PTPRK: variants seen among roughly 807,000 people sequenced by gnomAD.
PTPRK encodes protein tyrosine phosphatase receptor type K.
In PTPRK, 75 loss-of-function variants were observed where a neutral mutation model predicts 178.0. That is an observed-to-expected ratio of 0.42 (90% CI 0.35 to 0.51). The LOEUF (loss-of-function observed/expected upper bound fraction) is 0.51. Among genes scored for constraint, PTPRK ranks in the 20% least tolerant of loss-of-function variants. The pLI is 0.02. For missense variants in PTPRK, 1,441 were observed against 1,797.8 expected, an observed-to-expected ratio of 0.80 and a Z score of 3.59; for synonymous variants, 637 against 620.6, an observed-to-expected ratio of 1.03 and a Z score of -0.39.
chr6:128,127,269 T>C (rs1373619914), intron 7 of PTPRK, among the ~76,000 whole-genome samples: 6 of 152,210 alleles, frequency 3.9e-5, no homozygotes, highest in Non-Finnish European at 7.4e-5. Context: ...ATGTTTGCTA[T>C]TATAGGTCTT....
chr6:128,321,573 A>T, intron 3 of PTPRK: 1 of 509,044 alleles, frequency 2.0e-6, no homozygotes, highest in Non-Finnish European at 3.4e-6. Context: ...CCTCCCCCTT[A>T]ACATAGTTCA....
chr6:128,446,075 G>A (rs1584758062), intron 1 of PTPRK, among the ~76,000 whole-genome samples: 1 of 152,242 alleles, frequency 6.6e-6, no homozygotes, highest in Middle Eastern at 3.4e-3. Flanking sequence ...CATTCTCTAA[G>A]TAACGGTGAT....
intron 1 of PTPRK, among the ~76,000 whole-genome samples, chr6:128,406,104 T>C (rs1055377900): frequency 2.7e-5 from 4 of 150,282 alleles, no homozygotes; most frequent in Admixed American, 1.3e-4. Flanking sequence ...AAAAAATAAA[T>C]AAAAAAAAAT....
chr6:127,981,551 T>C lies in PTPRK; in HGVS notation c.3538-262A>G, dbSNP rs564695902. Among the ~76,000 whole-genome samples, 4 of 152,256 alleles carry C rather than the reference T, an allele frequency of 2.6e-5. No homozygotes were observed. The East Asian group carries it at 5.8e-4, about 22-fold the overall frequency. On this transcript the variant is annotated intron_variant, in intron 24 of 29. Coordinates refer to ENST00000368226, the MANE Select transcript of PTPRK (RefSeq NM_002844.4). ...CTAAACAACACTGCTACCTGCAAAA[T>C]GCATTGCCTTAACCAAAGAAAATGC...
chr6:128,075,710 G>A (rs945504631), intron 11 of PTPRK, among the ~76,000 whole-genome samples: 2 of 151,956 alleles, frequency 1.3e-5, no homozygotes, highest in African/African-American at 4.8e-5. Flanking sequence ...GAATCCATTG[G>A]CGATTTTAGC....
chr6:128,080,956 G>T (rs1784710501), intron 10 of PTPRK, among the ~76,000 whole-genome samples: 1 of 151,806 alleles, frequency 6.6e-6, no homozygotes. Flanking sequence ...TGGATGTTCT[G>T]GTCTTTTTTA....
At chr6:128,466,345 A>C (rs1204530627) in intron 1 of PTPRK, among the ~76,000 whole-genome samples, 3 of 152,230 alleles carry the variant, frequency 2.0e-5, no homozygotes, top group African/African-American at 7.2e-5. Context: ...GTGCAAAGCA[A>C]ATTAGTTCTG....
Position 128,082,645 on chromosome 6 carries a change from T to C in PTPRK, c.1576-7A>G, listed in dbSNP as rs757488283. Reference sequence around the variant, plus strand: ...TTATACTGCTATAGCTGATCTGTTTTAAGAAATACATTTATTACATATCTA... The same window carrying C: ...TTATACTGCTATAGCTGATCTGTTTCAAGAAATACATTTATTACATATCTA... On this transcript the variant is annotated splice_region_variant and splice_polypyrimidine_tract_variant and intron_variant, in intron 9 of 29. Transcript: ENST00000368226. The C allele has an allele frequency of 5.1e-6, 8 of 1,576,028 alleles. No individual in the cohort carries two copies. The African/African-American group carries it at 9.4e-5, about 19-fold the overall frequency.
rs1858597116 is a variant in PTPRK at position 128,519,254 on chromosome 6, CGAAA to C, written c.100+1001_100+1004del. ...ACTTCAGAGCCCCCAGAGGAGAGAA[CGAAA>C]GAAGCAACCAACCTACACGAAGGAT... On this transcript the variant is annotated intron_variant, in intron 1 of 29. Coordinates refer to ENST00000368226, the MANE Select transcript of PTPRK (RefSeq NM_002844.4). The surrounding 1 kb of genome is among the most constrained non-coding windows in gnomAD (Gnocchi z 4.3). The C allele has an allele frequency of 2.6e-6, 1 of 383,914 alleles. No individual in the cohort carries two copies. Among genetic ancestry groups the C allele is most frequent in the Non-Finnish European group, 5.1e-6 (1 of 195,338 alleles). The allele number at this position is 383,914 out of a possible 1,614,324, so 23.8% of individuals were successfully genotyped here.
intron 1 of PTPRK, 25 bp downstream of exon 1, chr6:128,520,234 T>C: frequency 6.4e-7 from 1 of 1,559,008 alleles, no homozygotes; most frequent in Non-Finnish European, 8.7e-7. Context: ...CAGGCGTTCG[T>C]CGGGGACGCC....
chr6:128,476,489 A>G (rs898151413), intron 1 of PTPRK, among the ~76,000 whole-genome samples: 4 of 152,066 alleles, frequency 2.6e-5, no homozygotes, highest in Non-Finnish European at 4.4e-5. Flanking sequence ...TTGTTGTCTG[A>G]GGTCAACCAA....
At chr6:128,407,115 C>G (rs2128375894) in intron 1 of PTPRK, among the ~76,000 whole-genome samples, 1 of 152,182 alleles carries the variant, frequency 6.6e-6, no homozygotes, top group Non-Finnish European at 1.5e-5. Context: ...CCACAATATC[C>G]TATGATATTA....
intron 7 of PTPRK, among the ~76,000 whole-genome samples, chr6:128,151,716 A>G (rs1414585223): frequency 6.6e-6 from 1 of 152,076 alleles, no homozygotes; most frequent in Non-Finnish European, 1.5e-5. Flanking sequence ...GGAAAATTAG[A>G]TTTAACTACT....
intron 14 of PTPRK, among the ~76,000 whole-genome samples, chr6:128,007,011 A>G (rs1347646163): frequency 1.3e-5 from 2 of 150,874 alleles, no homozygotes; most frequent in African/African-American, 4.8e-5. Flanking sequence ...TAAAATGTAG[A>G]TAAGAGGCTA....
chr6:128,308,818 CT>C (rs1429268333), intron 3 of PTPRK, among the ~76,000 whole-genome samples: 1 of 152,174 alleles, frequency 6.6e-6, no homozygotes, highest in Non-Finnish European at 1.5e-5. Flanking sequence ...ATCAATTCTT[CT>C]TAAGTTTCAT....
intron 7 of PTPRK, among the ~76,000 whole-genome samples, chr6:128,152,826 C>G: frequency 6.6e-6 from 1 of 152,002 alleles, no homozygotes; most frequent in East Asian, 1.9e-4. Flanking sequence ...AAAATAATAT[C>G]ATTTATATGA....
intron 3 of PTPRK, among the ~76,000 whole-genome samples, chr6:128,280,069 T>C (rs1423530017): frequency 6.6e-6 from 1 of 152,174 alleles, no homozygotes; most frequent in Non-Finnish European, 1.5e-5. Context: ...GTATGAATAA[T>C]ATCAACAGAA....
chr6:128,157,649 GTA>G (rs1798122098), intron 7 of PTPRK, among the ~76,000 whole-genome samples: 1 of 151,906 alleles, frequency 6.6e-6, no homozygotes, highest in Non-Finnish European at 1.5e-5. Flanking sequence ...GTGTGAGATG[GTA>G]TCTCATTTTG....
intron 3 of PTPRK, among the ~76,000 whole-genome samples, chr6:128,267,263 G>C (rs1377973036): frequency 6.6e-6 from 1 of 152,040 alleles, no homozygotes; most frequent in Non-Finnish European, 1.5e-5. Context: ...TTACCAAGAA[G>C]AGAAATCACT....
Sources: allele counts gnomAD v4.1 joint callset (sites outside exome capture counted in the v4.1 genomes callset), GRCh38; gene constraint gnomAD v4.1.1; non-coding constraint Gnocchi (gnomAD v3.1); transcripts MANE v1.5; gene names NCBI Gene and HGNC (gene_info 2026-07-23, HGNC 2026-07-21).